Variants in TMEM217 observed in about 807,000 individuals in gnomAD.
TMEM217 encodes the protein transmembrane protein 217, also known as chromosome 6 open reading frame 128.
For synonymous variants in TMEM217, 76 were observed against 88.3 expected, an observed-to-expected ratio of 0.86 and a Z score of 0.78; for missense variants, 204 against 248.8, an observed-to-expected ratio of 0.82 and a Z score of 1.21.
intron 1 of TMEM217, among the ~76,000 whole-genome samples, chr6:37,226,707 G>A (rs1022361181): frequency 6.6e-6 from 1 of 151,974 alleles, no homozygotes; most frequent in Non-Finnish European, 1.5e-5. Flanking sequence ...GATTACAGGC[G>A]CGTGCAACCA....
chr6:37,230,839 AC>A (rs1764163109), intron 1 of TMEM217, among the ~76,000 whole-genome samples: 1 of 152,142 alleles, frequency 6.6e-6, no homozygotes, highest in African/African-American at 2.4e-5. Flanking sequence ...CCTCTCTACC[AC>A]TGGGCAGTTG....
intron 1 of TMEM217, among the ~76,000 whole-genome samples, chr6:37,220,113 C>T (rs901685516): frequency 2.0e-5 from 3 of 151,984 alleles, no homozygotes; most frequent in East Asian, 1.9e-4. Flanking sequence ...AATAGAAGCG[C>T]GTAAGTCAAT....
chr6:37,213,941 C>T (rs1033430722), downstream of TMEM217, among the ~76,000 whole-genome samples: 1 of 152,194 alleles, frequency 6.6e-6, no homozygotes, highest in Non-Finnish European at 1.5e-5. Context: ...GGGCTGTCCT[C>T]AGGCTGACGA....
chr6:37,218,241 C>T, exon 2 of TMEM217: 2 of 1,318,974 alleles, frequency 1.5e-6, no homozygotes, highest in Non-Finnish European at 2.0e-6. Flanking sequence ...GCAATCTCGG[C>T]TCACTGCAAC....
exon 1 of TMEM217, chr6:37,257,806 G>A (rs1046231036): frequency 5.8e-6 from 7 of 1,201,292 alleles, no homozygotes; most frequent in African/African-American, 1.5e-5. Flanking sequence ...GCTGGGAGCG[G>A]GTGACCGGCG....
At chr6:37,235,691 G>T (rs1764464727) in intron 1 of TMEM217, among the ~76,000 whole-genome samples, 1 of 152,136 alleles carries the variant, frequency 6.6e-6, no homozygotes, top group South Asian at 2.1e-4. Flanking sequence ...GGTTCTGGAG[G>T]CTGGAAAGTC....
intron 1 of TMEM217, among the ~76,000 whole-genome samples, chr6:37,226,258 T>G (rs1763820298): frequency 6.7e-6 from 1 of 150,148 alleles, no homozygotes; most frequent in African/African-American, 2.5e-5. Context: ...TTGTTTTGTT[T>G]TATTTTGTTT....
At chr6:37,232,603 C>G (rs758485399) in intron 1 of TMEM217, among the ~76,000 whole-genome samples, 6 of 152,146 alleles carry the variant, frequency 3.9e-5, no homozygotes, top group Non-Finnish European at 7.4e-5. Context: ...TTAACTTCCT[C>G]TCCCGTTCTC....
At chr6:37,216,071 T>TTTTA (rs375106547), downstream of TMEM217, among the ~76,000 whole-genome samples, 472 of 151,884 alleles carry the variant, frequency 3.1e-3, 6 homozygotes, top group African/African-American at 9.9e-3. Context: ...CAGATTTGAA[T>TTTTA]TTTATTTATT....
intron 1 of TMEM217, among the ~76,000 whole-genome samples, chr6:37,233,289 C>T (rs987639741): frequency 2.0e-5 from 3 of 152,198 alleles, no homozygotes; most frequent in African/African-American, 7.2e-5. Context: ...CTCTCCTTCC[C>T]ACCAATCTCT....
At chr6:37,255,214 G>C (rs151271236) in intron 1 of TMEM217, among the ~76,000 whole-genome samples, 2 of 152,120 alleles carry the variant, frequency 1.3e-5, no homozygotes, top group African/African-American at 4.8e-5. Flanking sequence ...AAGACCAATG[G>C]GCATGGCTGC....
intron 1 of TMEM217, among the ~76,000 whole-genome samples, chr6:37,242,008 ATTTTTT>A (rs35494889): frequency 2.3e-5 from 3 of 130,034 alleles, no homozygotes; most frequent in Non-Finnish European, 3.3e-5. Flanking sequence ...TTCGATCTCA[ATTTTTT>A]TTTTTTTTTT....
chr6:37,238,493 G>T (rs760347649), intron 1 of TMEM217, among the ~76,000 whole-genome samples: 10 of 152,242 alleles, frequency 6.6e-5, no homozygotes, highest in Non-Finnish European at 1.2e-4. Context: ...GGCAAAATAT[G>T]TGCTTTTCCA....
chr6:37,234,289 G>C (rs967874799), intron 1 of TMEM217, among the ~76,000 whole-genome samples: 2 of 151,878 alleles, frequency 1.3e-5, no homozygotes, highest in African/African-American at 2.4e-5. Flanking sequence ...TAGTCGAGGT[G>C]GGGTTTCTCC....
At chr6:37,212,696 A>C (rs778215410), downstream of TMEM217, 32 of 628,470 alleles carry the variant, frequency 5.1e-5, no homozygotes, top group Non-Finnish European at 8.9e-5. Flanking sequence ...GTGATGATCC[A>C]CATGGCATAG....
chr6:37,242,872 C>T (rs948316952), intron 1 of TMEM217, among the ~76,000 whole-genome samples: 1 of 152,126 alleles, frequency 6.6e-6, no homozygotes, highest in Non-Finnish European at 1.5e-5. Flanking sequence ...CAGGAGTGTG[C>T]CAGTAAGCTC....
At position 37,218,945 on chromosome 6, in the gene TMEM217, T is replaced by C; in HGVS notation, c.86A>G (p.Tyr29Cys). 5.0e-6 allele frequency: 8 copies of C among 1,614,134 alleles called. No homozygotes were observed. Among genetic ancestry groups the C allele is most frequent in the Non-Finnish European group, 6.8e-6 (8 of 1,180,014 alleles). ...TAGGTGCTTCTGTTCAAAGATGAGA[T>C]ACATGTCTACGGCCATGATGGTGAA... is the stretch of plus-strand genomic sequence containing the variant. Residue 29 changes from tyrosine (Y) to cysteine (C), a missense_variant, in exon 2 of 2, where the codon TAT (tyrosine) becomes TGT (cysteine). By Grantham distance (194) the Tyr-to-Cys change is radical. Transcript: ENST00000357219.
downstream of TMEM217, chr6:37,215,282 G>C: frequency 1.9e-6 from 3 of 1,612,372 alleles, no homozygotes; most frequent in Non-Finnish European, 2.5e-6. Flanking sequence ...TAGTGTGGAA[G>C]CTAGACAAAT....
At chr6:37,212,661 T>G (rs1258420760), downstream of TMEM217, 2 of 573,742 alleles carry the variant, frequency 3.5e-6, no homozygotes, top group South Asian at 3.0e-5. Context: ...GGAGCAGGAC[T>G]ATGGAGAAGT....
Sources: allele counts gnomAD v4.1 joint callset (sites outside exome capture counted in the v4.1 genomes callset), GRCh38; gene constraint gnomAD v4.1.1; transcripts MANE v1.5; gene names NCBI Gene and HGNC (gene_info 2026-07-23, HGNC 2026-07-21).